Variants in DOCK1 observed in about 807,000 individuals in gnomAD.
DOCK1 encodes the protein dedicator of cytokinesis 1, also known as dedicator of cytokinesis protein 1.
DOCK1 carries 138 observed loss-of-function variants against 262.7 expected under a neutral mutation model. That is an observed-to-expected ratio of 0.53 (90% confidence interval 0.46 to 0.61). The LOEUF (loss-of-function observed/expected upper bound fraction) is 0.61. Ranked by LOEUF, DOCK1 falls within the 20% of genes least tolerant of loss-of-function variation. The probability of loss-of-function intolerance (pLI) is 0.00; values close to 1 mark genes in which losing one functional copy is unlikely to be tolerated. For synonymous variants in DOCK1, 866 were observed against 867.4 expected, an observed-to-expected ratio of 1.00 and a Z score of 0.03; for missense variants, 1,908 against 2,370.7, an observed-to-expected ratio of 0.80 and a Z score of 4.05.
chr10:127,260,154 C>T (rs546526861), intron 29 of DOCK1, among the ~76,000 whole-genome samples: 3 of 152,318 alleles, frequency 2.0e-5, no homozygotes, highest in East Asian at 1.9e-4. Context: ...CAGGGTATGG[C>T]GCCTGACAGA....
intron 38 of DOCK1, among the ~76,000 whole-genome samples, chr10:127,402,314 T>G (rs11017874): frequency 0.2 from 31,136 of 152,052 alleles, 3,396 homozygotes; most frequent in South Asian, 0.25. Context: ...GAAGAGGTGG[T>G]TCCTCTTACT....
intron 32 of DOCK1, 111 bp from the exon 33 acceptor site, chr10:127,361,953 A>T (rs2064481028): frequency 8.0e-7 from 1 of 1,244,884 alleles, no homozygotes; most frequent in Non-Finnish European, 1.1e-6. Flanking sequence ...CATTTTCGGG[A>T]TCCTGCTGCT....
chr10:127,166,577 A>G (rs1191501247), intron 27 of DOCK1, among the ~76,000 whole-genome samples: 1 of 152,212 alleles, frequency 6.6e-6, no homozygotes, highest in African/African-American at 2.4e-5. Context: ...TAAAGATTAA[A>G]GAAGATAATA....
chr10:127,091,265 G>A (rs2047517026), intron 23 of DOCK1, among the ~76,000 whole-genome samples: 1 of 152,188 alleles, frequency 6.6e-6, no homozygotes, highest in Non-Finnish European at 1.5e-5. Context: ...TTACAGGCGT[G>A]AGCCACTGCG....
intron 29 of DOCK1, among the ~76,000 whole-genome samples, chr10:127,288,042 C>A (rs1052530745): frequency 2.0e-5 from 3 of 152,166 alleles, no homozygotes; most frequent in Admixed American, 6.5e-5. Context: ...AAATGCTTGT[C>A]TCTTTCATTT....
At chr10:127,347,840 T>C (rs1565012199) in intron 31 of DOCK1, among the ~76,000 whole-genome samples, 21 of 38,550 alleles carry the variant, frequency 5.4e-4, no homozygotes, top group African/African-American at 2.3e-3. Flanking sequence ...CAGCCTTCCC[T>C]TCCCTTCCCT....
chr10:127,107,169 T>G (rs1389991897), intron 24 of DOCK1, among the ~76,000 whole-genome samples: 1 of 152,054 alleles, frequency 6.6e-6, no homozygotes, highest in Non-Finnish European at 1.5e-5. Context: ...AGCACAGTCC[T>G]CAACTACTTT....
chr10:127,009,149 A>C (rs1207165524), intron 11 of DOCK1, among the ~76,000 whole-genome samples: 1 of 152,232 alleles, frequency 6.6e-6, no homozygotes, highest in Non-Finnish European at 1.5e-5. Flanking sequence ...CAATACTTCC[A>C]AATTCATCAT....
chr10:126,930,016 T>C (rs959763252), intron 1 of DOCK1, among the ~76,000 whole-genome samples: 102 of 152,330 alleles, frequency 6.7e-4, no homozygotes, highest in African/African-American at 2.4e-3. Context: ...GTGTTCTGTG[T>C]CTCTGGATTT....
At chr10:127,061,230 A>AAAAT (rs1165627980) in intron 22 of DOCK1, among the ~76,000 whole-genome samples, 3 of 152,208 alleles carry the variant, frequency 2.0e-5, no homozygotes, top group Non-Finnish European at 4.4e-5. Context: ...CTCCATTACA[A>AAAAT]AAATAAATAA....
At chr10:126,953,201 AGTG>A (rs2036462835) in intron 1 of DOCK1, among the ~76,000 whole-genome samples, 1 of 146,794 alleles carries the variant, frequency 6.8e-6, no homozygotes, top group Admixed American at 6.8e-5. Flanking sequence ...TGGAGGTGGT[AGTG>A]GTGGTAGTAC....
intron 1 of DOCK1, among the ~76,000 whole-genome samples, chr10:126,948,595 A>G (rs975215112): frequency 3.9e-5 from 6 of 152,056 alleles, no homozygotes; most frequent in African/African-American, 7.2e-5. Flanking sequence ...GGCCCTCAAA[A>G]TGCTCCAGGC....
chr10:127,061,094 G>C (rs1290111214), intron 22 of DOCK1, among the ~76,000 whole-genome samples: 1 of 152,150 alleles, frequency 6.6e-6, no homozygotes, highest in Non-Finnish European at 1.5e-5. Flanking sequence ...TGGGCATGGT[G>C]GTGGCCACCT....
intron 29 of DOCK1, among the ~76,000 whole-genome samples, chr10:127,317,863 G>C (rs1355570162): frequency 1.2e-4 from 19 of 152,166 alleles, no homozygotes; most frequent in Admixed American, 1.2e-3. Context: ...TCCTCAAGGT[G>C]TTTGGTTCGC....
At chr10:127,276,369 CAG>C (rs2060740631) in intron 29 of DOCK1, among the ~76,000 whole-genome samples, 1 of 152,128 alleles carries the variant, frequency 6.6e-6, no homozygotes, top group Non-Finnish European at 1.5e-5. Context: ...TGGGAGGGGA[CAG>C]GGGGGACAGG....
chr10:126,959,629 T>C (rs1225182718), intron 1 of DOCK1, among the ~76,000 whole-genome samples: 4 of 152,190 alleles, frequency 2.6e-5, no homozygotes, highest in African/African-American at 9.6e-5. Context: ...CTCCTCAGTC[T>C]TTGCTGCTGC....
At chr10:127,107,350 C>T (rs1002360466) in intron 24 of DOCK1, among the ~76,000 whole-genome samples, 44 of 152,112 alleles carry the variant, frequency 2.9e-4, no homozygotes, top group South Asian at 2.1e-4. Context: ...ATAGGTCACT[C>T]GTGCCCTGGA....
At chr10:127,325,019 C>T (rs2062696853) in intron 29 of DOCK1, among the ~76,000 whole-genome samples, 1 of 152,150 alleles carries the variant, frequency 6.6e-6, no homozygotes. Flanking sequence ...CACACACATC[C>T]AATCCACGCA....
chr10:127,384,737 A>T (rs2066010273), intron 37 of DOCK1, 53 bp from the exon 38 acceptor site: 1 of 1,485,020 alleles, frequency 6.7e-7, no homozygotes. Flanking sequence ...CACCATTCTG[A>T]CGTCCCTGGG....
Sources: allele counts gnomAD v4.1 joint callset (sites outside exome capture counted in the v4.1 genomes callset), GRCh38; gene constraint gnomAD v4.1.1; transcripts MANE v1.5; gene names NCBI Gene and HGNC (gene_info 2026-07-23, HGNC 2026-07-21).